METTL15: variants seen among roughly 807,000 people sequenced by gnomAD.
The protein encoded by METTL15 is 12S rRNA N(4)-cytidine methyltransferase METTL15.
In METTL15, 34 loss-of-function variants were observed where a neutral mutation model predicts 38.3. That is an observed-to-expected ratio of 0.89 (90% CI 0.68 to 1.18). The LOEUF is 1.18. METTL15 is among the 50% of genes most tolerant of loss of function. The pLI is 0.00. For synonymous variants in METTL15, 162 were observed against 170.9 expected (o/e 0.95, Z 0.41); for missense variants, 438 against 498.4 (o/e 0.88, Z 1.15).
At chr11:28,197,647 T>G (rs906753786) in intron 3 of METTL15, 1 of 299,946 alleles carries the variant, frequency 3.3e-6, no homozygotes, top group Non-Finnish European at 6.9e-6. Flanking sequence ...TTAAACATTT[T>G]CAGGAATATG....
At chr11:28,315,514 T>C (rs1269100273) in intron 6 of METTL15, among the ~76,000 whole-genome samples, 1 of 152,210 alleles carries the variant, frequency 6.6e-6, no homozygotes, top group South Asian at 2.1e-4. Context: ...GTTTGGATAA[T>C]TTGCAGCCTG....
intron 6 of METTL15, among the ~76,000 whole-genome samples, chr11:28,497,757 C>T (rs1851547887): frequency 6.6e-6 from 1 of 152,054 alleles, no homozygotes; most frequent in African/African-American, 2.4e-5. Context: ...TCTCTGAAAC[C>T]TCTCTTATAG....
intron 3 of METTL15, among the ~76,000 whole-genome samples, chr11:28,180,422 T>G (rs1270741212): frequency 6.6e-6 from 1 of 151,838 alleles, no homozygotes; most frequent in African/African-American, 2.4e-5. Flanking sequence ...TTATTACTTT[T>G]GAAAAAGTAA....
intron 6 of METTL15, among the ~76,000 whole-genome samples, chr11:28,441,607 C>A (rs1369108343): frequency 6.6e-6 from 1 of 152,146 alleles, no homozygotes; most frequent in Non-Finnish European, 1.5e-5. Flanking sequence ...TTCTCAATGT[C>A]CTTACGACCT....
At chr11:28,221,389 C>G (rs1049914077) in intron 4 of METTL15, among the ~76,000 whole-genome samples, 1 of 152,134 alleles carries the variant, frequency 6.6e-6, no homozygotes, top group Non-Finnish European at 1.5e-5. Context: ...ACGCAGTTCT[C>G]GTGCCATGGT....
chr11:28,239,308 A>G (rs1024385923), intron 4 of METTL15, among the ~76,000 whole-genome samples: 4 of 152,164 alleles, frequency 2.6e-5, no homozygotes, highest in Admixed American at 6.5e-5. Flanking sequence ...CTATTTTTCT[A>G]TTTGCTCAGG....
chr11:28,528,579 T>C (rs1851826933), downstream of METTL15, among the ~76,000 whole-genome samples: 1 of 152,202 alleles, frequency 6.6e-6, no homozygotes, highest in Admixed American at 6.5e-5. Flanking sequence ...GTGCCAACGG[T>C]CCAATTTTTT....
chr11:28,274,951 A>G (rs537214826), intron 4 of METTL15, among the ~76,000 whole-genome samples: 1 of 151,548 alleles, frequency 6.6e-6, no homozygotes, highest in South Asian at 2.1e-4. Flanking sequence ...ATATATATAT[A>G]TAATTAAAGA....
At chr11:28,383,417 G>T (rs112914335) in intron 5 of METTL15, among the ~76,000 whole-genome samples, 87 of 152,200 alleles carry the variant, frequency 5.7e-4, no homozygotes, top group African/African-American at 2.1e-3. Flanking sequence ...AATAGTGCTG[G>T]AATAAACATA....
intron 4 of METTL15, among the ~76,000 whole-genome samples, chr11:28,268,153 C>T (rs1345220822): frequency 7.0e-6 from 1 of 142,180 alleles, no homozygotes; most frequent in Non-Finnish European, 1.5e-5. Context: ...GCCGAGATCC[C>T]GCCACTGCAC....
intron 6 of METTL15, among the ~76,000 whole-genome samples, chr11:28,303,965 C>G (rs1183084345): frequency 6.6e-6 from 1 of 152,186 alleles, no homozygotes; most frequent in Non-Finnish European, 1.5e-5. Context: ...CTTATCTTCT[C>G]TGACCCTCAT....
intron 5 of METTL15, among the ~76,000 whole-genome samples, chr11:28,388,368 G>T (rs557545452): frequency 6.6e-6 from 1 of 152,118 alleles, no homozygotes; most frequent in African/African-American, 2.4e-5. Context: ...CAAGAAAGTT[G>T]CATGATATAG....
chr11:28,118,932 T>C (rs548875312), intron 3 of METTL15, among the ~76,000 whole-genome samples: 2 of 152,302 alleles, frequency 1.3e-5, no homozygotes, highest in East Asian at 3.9e-4. Context: ...ACTATGGGAA[T>C]AGAAAGAGTC....
At chr11:28,147,784 A>C (rs1565124359) in intron 3 of METTL15, among the ~76,000 whole-genome samples, 1 of 151,912 alleles carries the variant, frequency 6.6e-6, no homozygotes, top group Non-Finnish European at 1.5e-5. Context: ...TAGCAAAAAA[A>C]CAACATTTTT....
intron 4 of METTL15, among the ~76,000 whole-genome samples, chr11:28,238,919 A>G (rs1276998679): frequency 6.6e-6 from 1 of 152,312 alleles, no homozygotes; most frequent in East Asian, 1.9e-4. Context: ...ATCGTGTGTC[A>G]TAGTTGACTA....
intron 4 of METTL15, among the ~76,000 whole-genome samples, chr11:28,358,084 T>C (rs1284784293): frequency 1.3e-5 from 2 of 152,074 alleles, no homozygotes; most frequent in African/African-American, 4.8e-5. Context: ...ATCTGTGACA[T>C]TGAAAGCATG....
chr11:28,191,750 A>G (rs553742040), intron 3 of METTL15, among the ~76,000 whole-genome samples: 1 of 151,620 alleles, frequency 6.6e-6, no homozygotes, highest in Non-Finnish European at 1.5e-5. Flanking sequence ...GGCAAAGTTG[A>G]TTTATTTTTA....
chr11:28,376,345 G>T (rs1850311615), intron 5 of METTL15, among the ~76,000 whole-genome samples: 1 of 151,992 alleles, frequency 6.6e-6, no homozygotes, highest in African/African-American at 2.4e-5. Context: ...GAATCTGGGT[G>T]CTCCTGTATT....
chr11:28,205,354 GTGTT>G (rs1325439805), intron 3 of METTL15, among the ~76,000 whole-genome samples: 1 of 150,102 alleles, frequency 6.7e-6, no homozygotes, highest in Non-Finnish European at 1.5e-5. Flanking sequence ...AGACTATGCA[GTGTT>G]TGTTTTTTTG....
Sources: gnomAD v4.1 joint callset for allele counts (sites outside exome capture counted in the v4.1 genomes callset) on GRCh38, gnomAD v4.1.1 for gene constraint, MANE v1.5 for transcripts, NCBI Gene and HGNC (gene_info 2026-07-23, HGNC 2026-07-21) for gene names.